Variants in SNTB1 observed in about 807,000 individuals in gnomAD.
The protein encoded by SNTB1 is syntrophin beta 1, also known as beta-1-syntrophin.
In SNTB1, 36 loss-of-function variants were observed where a neutral mutation model predicts 48.9. The ratio of observed to expected loss-of-function variants is 0.74; its 90% CI spans 0.56 to 0.97. The LOEUF (loss-of-function observed/expected upper bound fraction) is 0.97, where lower values mean the gene tolerates loss of function less well. Among genes scored for constraint, SNTB1 ranks in the 50% least tolerant of loss-of-function variants. SNTB1 has a pLI of 0.00. For synonymous variants in SNTB1, 299 were observed against 294.6 expected (o/e 1.01, Z -0.15); for missense variants, 786 against 703.4 (o/e 1.12, Z -1.33).
intron 2 of SNTB1, chr8:120,637,672 TA>T: frequency 2.7e-6 from 1 of 370,320 alleles, no homozygotes; most frequent in Non-Finnish European, 5.3e-6. Flanking sequence ...TTAGGAAGAA[TA>T]AAAATTCTAT....
chr8:120,649,185 T>C (rs1817359165), intron 2 of SNTB1, among the ~76,000 whole-genome samples: 1 of 151,078 alleles, frequency 6.6e-6, no homozygotes, highest in Non-Finnish European at 1.5e-5. Context: ...TCATTCTCCA[T>C]CCAGCTTTGT....
chr8:120,635,923 G>T, intron 2 of SNTB1: 1 of 460,766 alleles, frequency 2.2e-6, no homozygotes, highest in Non-Finnish European at 4.0e-6. Flanking sequence ...TTTCCTTTTT[G>T]CTAACCGAAT....
At chr8:120,788,383 T>A (rs186425806) in intron 1 of SNTB1, among the ~76,000 whole-genome samples, 4 of 152,238 alleles carry the variant, frequency 2.6e-5, no homozygotes, top group Admixed American at 2.6e-4. Flanking sequence ...CACATTCACA[T>A]CTTCATATTA....
chr8:120,748,739 A>G (rs1156248558), intron 1 of SNTB1, among the ~76,000 whole-genome samples: 1 of 152,212 alleles, frequency 6.6e-6, no homozygotes, highest in Non-Finnish European at 1.5e-5. Context: ...CACTAAAGAC[A>G]TATCCTTGTT....
At chr8:120,611,011 GTCT>G (rs1042653376) in intron 3 of SNTB1, among the ~76,000 whole-genome samples, 2 of 152,164 alleles carry the variant, frequency 1.3e-5, no homozygotes, top group African/African-American at 4.8e-5. Flanking sequence ...ACAAAGGTTA[GTCT>G]TCTGTAATTG....
At chr8:120,798,549 A>G (rs568988828) in intron 1 of SNTB1, among the ~76,000 whole-genome samples, 32 of 152,068 alleles carry the variant, frequency 2.1e-4, no homozygotes, top group Non-Finnish European at 4.6e-4. Context: ...AAGTTGAGAA[A>G]CCTTGATGTA....
At chr8:120,711,642 C>T (rs1385780784) in intron 1 of SNTB1, among the ~76,000 whole-genome samples, 1 of 152,198 alleles carries the variant, frequency 6.6e-6, no homozygotes, top group South Asian at 2.1e-4. Context: ...ACTCTTCACT[C>T]CTTTTTCTTT....
intron 2 of SNTB1, among the ~76,000 whole-genome samples, chr8:120,670,173 A>G (rs1817736265): frequency 6.6e-6 from 1 of 152,254 alleles, no homozygotes; most frequent in African/African-American, 2.4e-5. Flanking sequence ...CAGCATGGAT[A>G]ACAAGAAGGA....
chr8:120,805,043 A>G (rs1820308906), intron 1 of SNTB1, among the ~76,000 whole-genome samples: 1 of 152,218 alleles, frequency 6.6e-6, no homozygotes, highest in Non-Finnish European at 1.5e-5. Flanking sequence ...AGAGTATAGT[A>G]CATAAAAGAC....
chr8:120,759,279 G>A (rs73323176), intron 1 of SNTB1, among the ~76,000 whole-genome samples: 18,552 of 152,164 alleles, frequency 0.12, 3,738 homozygotes, highest in African/African-American at 0.42. Flanking sequence ...TACCTTCAGA[G>A]GGCAAAGCAA....
At chr8:120,607,648 A>G (rs4242316) in intron 3 of SNTB1, among the ~76,000 whole-genome samples, 127,529 of 152,224 alleles carry the variant, frequency 0.84, 54,260 homozygotes, top group Middle Eastern at 0.91. Context: ...AACTTACATC[A>G]TTTTAAATGA....
chr8:120,704,129 G>A (rs181640624), intron 1 of SNTB1, among the ~76,000 whole-genome samples: 2 of 152,198 alleles, frequency 1.3e-5, no homozygotes, highest in East Asian at 3.9e-4. Flanking sequence ...TTTGTACAAC[G>A]ACAAAAATTT....
At chr8:120,584,528 G>C (rs2130699589) in intron 3 of SNTB1, among the ~76,000 whole-genome samples, 1 of 148,894 alleles carries the variant, frequency 6.7e-6, no homozygotes. Context: ...ATTTGATTTT[G>C]AGTCATTTAA....
chr8:120,700,291 A>G (rs796419211), intron 1 of SNTB1, among the ~76,000 whole-genome samples: 13 of 152,324 alleles, frequency 8.5e-5, no homozygotes, highest in African/African-American at 3.1e-4. Flanking sequence ...AGCTTGAACT[A>G]TTAAACTATG....
At chr8:120,626,446 T>A (rs568145354) in intron 3 of SNTB1, among the ~76,000 whole-genome samples, 2 of 152,284 alleles carry the variant, frequency 1.3e-5, no homozygotes, top group South Asian at 4.1e-4. Context: ...TTTATCAAAA[T>A]GTTAAAAACT....
chr8:120,659,446 A>G (rs1187014874), intron 2 of SNTB1, among the ~76,000 whole-genome samples: 1 of 152,172 alleles, frequency 6.6e-6, no homozygotes, highest in Non-Finnish European at 1.5e-5. Context: ...GGTCCCACTT[A>G]TAATTTTAGT....
intron 4 of SNTB1, among the ~76,000 whole-genome samples, chr8:120,571,621 C>T (rs1815854316): frequency 6.6e-6 from 1 of 151,134 alleles, no homozygotes; most frequent in African/African-American, 2.4e-5. Flanking sequence ...GCTCAGCCTC[C>T]TGAGCAGCTG....
intron 1 of SNTB1, among the ~76,000 whole-genome samples, chr8:120,719,694 A>G (rs989807358): frequency 3.3e-5 from 5 of 152,176 alleles, no homozygotes; most frequent in Non-Finnish European, 5.9e-5. Flanking sequence ...ACTTGAGTGC[A>G]GGTGGTTTAT....
At chr8:120,756,670 A>T (rs572132256) in intron 1 of SNTB1, among the ~76,000 whole-genome samples, 2 of 152,326 alleles carry the variant, frequency 1.3e-5, no homozygotes, top group East Asian at 3.9e-4. Context: ...GAGAAGAGTC[A>T]TCTCTGCCTT....
Sources: gnomAD v4.1 joint callset for allele counts (sites outside exome capture counted in the v4.1 genomes callset) on GRCh38, gnomAD v4.1.1 for gene constraint, MANE v1.5 for transcripts, NCBI Gene and HGNC (gene_info 2026-07-23, HGNC 2026-07-21) for gene names.